DYSF: variants seen among roughly 807,000 people sequenced by gnomAD.
DYSF encodes dystrophy-associated fer-1-like 1.
A neutral mutation model predicts 274.9 loss-of-function variants in DYSF; 212 were observed. The ratio of observed to expected loss-of-function variants is 0.77; its 90% CI spans 0.69 to 0.86. The LOEUF is 0.86. Ranked by LOEUF, DYSF falls within the 40% of genes least tolerant of loss-of-function variation. DYSF has a pLI of 0.00. For synonymous variants in DYSF, 1,091 were observed against 1,078.7 expected, an observed-to-expected ratio of 1.01 and a Z score of -0.22; for missense variants, 2,666 against 2,783.2, an observed-to-expected ratio of 0.96 and a Z score of 0.95.
At chr2:71,599,897 G>C (rs922933344) in intron 33 of DYSF, among the ~76,000 whole-genome samples, 1 of 152,232 alleles carries the variant, frequency 6.6e-6, no homozygotes, top group African/African-American at 2.4e-5. Context: ...GGGATGCAAC[G>C]TTGGGGTGCT....
intron 14 of DYSF, among the ~76,000 whole-genome samples, chr2:71,529,099 C>T (rs545788884): frequency 6.6e-6 from 1 of 152,230 alleles, no homozygotes; most frequent in Admixed American, 6.5e-5. Context: ...CCCCTCTGAG[C>T]CCTGGAGGGA....
At chr2:71,554,553 A>G (rs1372722716) in intron 21 of DYSF, among the ~76,000 whole-genome samples, 1 of 152,052 alleles carries the variant, frequency 6.6e-6, no homozygotes, top group Non-Finnish European at 1.5e-5. Context: ...GAACCCAGCT[A>G]GGCCACCATT....
chr2:71,613,033 G>A (rs980557323), intron 39 of DYSF, among the ~76,000 whole-genome samples: 7 of 152,166 alleles, frequency 4.6e-5, no homozygotes, highest in Non-Finnish European at 8.8e-5. Context: ...GCTGAGGGGT[G>A]AGGGCTCAAA....
At chr2:71,536,178 G>A (rs1384477235) in intron 16 of DYSF, among the ~76,000 whole-genome samples, 1 of 152,228 alleles carries the variant, frequency 6.6e-6, no homozygotes, top group African/African-American at 2.4e-5. Context: ...CAAAAAGAGA[G>A]AGTTGTCCTT....
intron 16 of DYSF, among the ~76,000 whole-genome samples, chr2:71,536,860 T>C (rs549505180): frequency 2.5e-4 from 38 of 152,310 alleles, no homozygotes; most frequent in African/African-American, 9.1e-4. Flanking sequence ...GCAGATAAGC[T>C]CTTGTTATTA....
intron 45 of DYSF, among the ~76,000 whole-genome samples, chr2:71,661,512 A>G (rs2094881172): frequency 6.6e-6 from 1 of 152,196 alleles, no homozygotes; most frequent in African/African-American, 2.4e-5. Flanking sequence ...AGTGTCCCAC[A>G]TGTGTTTGTA....
At chr2:71,669,033 T>C (rs2095070156) in intron 49 of DYSF, 79 bp from the exon 50 acceptor site, 1 of 1,369,216 alleles carries the variant, frequency 7.3e-7, no homozygotes, top group African/African-American at 1.4e-5. Flanking sequence ...CCAGTCTGCT[T>C]CTTGGCTTCT....
At chr2:71,585,660 A>G (rs1361049305) in intron 30 of DYSF, among the ~76,000 whole-genome samples, 1 of 152,158 alleles carries the variant, frequency 6.6e-6, no homozygotes, top group African/African-American at 2.4e-5. Flanking sequence ...AGGCCGACAC[A>G]GTTGTCTTTC....
chr2:71,657,591 C>T (rs983644543), intron 43 of DYSF, among the ~76,000 whole-genome samples: 17 of 152,344 alleles, frequency 1.1e-4, no homozygotes, highest in African/African-American at 3.4e-4. Flanking sequence ...CAGGTGTTTC[C>T]ATACCTCTTC....
intron 1 of DYSF, among the ~76,000 whole-genome samples, chr2:71,454,807 T>TA (rs1419490324): frequency 6.6e-6 from 1 of 152,104 alleles, no homozygotes; most frequent in East Asian, 1.9e-4. Context: ...AGGGCCTTCA[T>TA]AGAGTTATGA....
At position 71,561,806 on chromosome 2, in the gene DYSF, C is replaced by A; in HGVS notation, c.2271C>A (p.Tyr757Ter). ...CCTCTGCCACCCACCTGGACCAGTA[C>A]CTGTACCAGCTGCGCACCCATCACC... ...ETPSATHLDQ[Y>*]LYQLRTHHLS... The change falls in exon 23 of 56, where the codon TAC becomes TAA. Residue 757 changes from tyrosine (Y) to a stop codon, truncating the protein, a stop_gained. Coordinates refer to ENST00000410020, the MANE Select transcript of DYSF (RefSeq NM_001130987.2). LOFTEE classifies it high-confidence loss of function. 2 of 1,614,182 alleles carry A rather than the reference C, an allele frequency of 1.2e-6. No individual in the cohort carries two copies. The highest frequency in any genetic ancestry group is 1.3e-5 in the African/African-American group (1 of 75,040).
chr2:71,468,909 G>A (rs28540246), intron 1 of DYSF, among the ~76,000 whole-genome samples: 4,534 of 152,276 alleles, frequency 0.03, 217 homozygotes, highest in African/African-American at 0.1. Context: ...TAGTGTTTGT[G>A]CGCTTTCTGG....
At chr2:71,660,161 TG>T (rs2094851916) in intron 44 of DYSF, among the ~76,000 whole-genome samples, 1 of 152,238 alleles carries the variant, frequency 6.6e-6, no homozygotes, top group Admixed American at 6.5e-5. Context: ...GAGACCTCCC[TG>T]GGCTAGCCTA....
At chr2:71,467,516 A>G (rs1034439250) in intron 1 of DYSF, among the ~76,000 whole-genome samples, 1 of 152,212 alleles carries the variant, frequency 6.6e-6, no homozygotes, top group African/African-American at 2.4e-5. Flanking sequence ...CCCTACATGT[A>G]GTGCTTAGAA....
At chr2:71,612,842 G>C in intron 39 of DYSF, 36 bp downstream of exon 39, 3 of 1,593,184 alleles carry the variant, frequency 1.9e-6, no homozygotes, top group Admixed American at 1.7e-5. Context: ...GGTCAGGGAA[G>C]GGGGAGCCTC....
chr2:71,556,193 T>C, intron 22 of DYSF, 122 bp downstream of exon 22: 1 of 819,914 alleles, frequency 1.2e-6, no homozygotes, highest in East Asian at 2.7e-5. Context: ...TGGCCAGCAG[T>C]CCAGCCCGTG....
intron 41 of DYSF, among the ~76,000 whole-genome samples, chr2:71,637,396 TG>T (rs567353030): frequency 6.6e-6 from 1 of 152,074 alleles, no homozygotes; most frequent in Non-Finnish European, 1.5e-5. Flanking sequence ...GGTGGGGGCT[TG>T]GGGAAGTCTC....
At chr2:71,618,569 T>TGTGTGTGTGTGGTAGA (rs1488007194) in intron 40 of DYSF, among the ~76,000 whole-genome samples, 2 of 3,448 alleles carry the variant, frequency 5.8e-4, no homozygotes, top group Non-Finnish European at 1.6e-3. Flanking sequence ...AGTGTGTGTT[T>TGTGTGTGTGTGGTAGA]GTGTGGGGTA....
In DYSF at chr2:71,639,637, A is replaced by G. The variant is rs967681212; in HGVS notation, c.4528-4328A>G. Among the ~76,000 whole-genome samples the G allele has an allele frequency of 2.0e-5, 3 of 152,248 alleles. No homozygotes were observed. In the East Asian group the frequency reaches 5.8e-4, roughly 29 times the overall value. On this transcript the variant is annotated intron_variant, in intron 41 of 55. Coordinates refer to ENST00000410020, the MANE Select transcript of DYSF (RefSeq NM_001130987.2). ...GTTCAGTTCCAAGCAGTTCAGGTCC[A>G]AACAGTTCCTTATTGTTGGACACTT...
Sources: allele counts gnomAD v4.1 joint callset (sites outside exome capture counted in the v4.1 genomes callset), GRCh38; gene constraint gnomAD v4.1.1; transcripts MANE v1.5; gene names NCBI Gene and HGNC (gene_info 2026-07-23, HGNC 2026-07-21).